ADGRG1: variants seen among roughly 807,000 people sequenced by gnomAD.
ADGRG1 encodes the protein adhesion G protein-coupled receptor G1.
In ADGRG1, 53 loss-of-function variants were observed where a neutral mutation model predicts 73.5. That is an observed-to-expected ratio of 0.72 (90% confidence interval 0.58 to 0.91). ADGRG1 has a LOEUF of 0.91. Among genes scored for constraint, ADGRG1 ranks in the 40% least tolerant of loss-of-function variants. ADGRG1 has a pLI of 0.00. For missense variants in ADGRG1, 795 were observed against 871.8 expected (o/e 0.91, Z 1.11); for synonymous variants, 394 against 374.4 (o/e 1.05, Z -0.60).
At chr16:57,641,905 AG>A (rs1238019528) in intron 1 of ADGRG1, 2 of 175,182 alleles carry the variant, frequency 1.1e-5, no homozygotes, top group African/African-American at 4.8e-5. Flanking sequence ...ATTTGTATTT[AG>A]AGACAAGGTC....
intron 3 of ADGRG1, chr16:57,652,825 T>G: frequency 4.6e-6 from 5 of 1,098,634 alleles, no homozygotes; most frequent in Admixed American, 4.8e-5. Flanking sequence ...GAGCCTGGAG[T>G]CAGGGAGGCT....
rs2043723048 is a variant in ADGRG1, at chr16:57,650,323, C to G, written c.36C>G (p.Phe12Leu). ...TPQSLLQTTL[F>L]LLSLLFLVQG... The stretch of plus-strand genomic sequence containing the variant: ...AGTCGCTGCTGCAGACGACACTGTT[C>G]CTGCTGAGTCTGCTCTTCCTGGTCC... The change falls in exon 2 of 14, where the codon TTC becomes TTG. Residue 12 changes from phenylalanine to leucine, a missense_variant. Physicochemically the swap from Phe to Leu is conservative, Grantham distance 22. Coordinates refer to ENST00000562631, the MANE Select transcript of ADGRG1 (RefSeq NM_201525.4). 2 of 1,612,846 alleles carry G rather than the reference C, an allele frequency of 1.2e-6. No individual in the cohort carries two copies. The highest frequency in any genetic ancestry group is 2.7e-5 in the African/African-American group (2 of 74,900).
At chr16:57,631,697 C>T (rs781380941) in intron 1 of ADGRG1, 49 of 943,456 alleles carry the variant, frequency 5.2e-5, no homozygotes, top group African/African-American at 5.6e-5. Flanking sequence ...GGGGGCGGGG[C>T]GGGCTGGCAC....
chr16:57,663,442 C>T lies in ADGRG1; in HGVS notation c.1934-10C>T. 1 of 1,613,870 alleles carries T rather than the reference C, an allele frequency of 6.2e-7. No homozygotes were observed. Among genetic ancestry groups the T allele is most frequent in the African/African-American group, 1.3e-5 (1 of 75,064 alleles). ...CCCACCTGCTGACCCCGTGCCCTCA[C>T]TGCCCGCAGGCTTCCTCATCTTCAT... On this transcript the variant is annotated splice_polypyrimidine_tract_variant and intron_variant, in intron 13 of 13. Transcript: ENST00000562631.
upstream of ADGRG1, among the ~76,000 whole-genome samples, chr16:57,624,448 C>T (rs541924034): frequency 6.6e-6 from 1 of 152,280 alleles, no homozygotes; most frequent in South Asian, 2.1e-4. Context: ...CTGTAGAGAG[C>T]TATGATTGCA....
upstream of ADGRG1, chr16:57,628,413 G>A: frequency 1.8e-6 from 1 of 569,838 alleles, no homozygotes; most frequent in South Asian, 7.7e-5. Flanking sequence ...GAGGGGTGAG[G>A]CTGAGGTGCC....
In ADGRG1 at chr16:57,646,359, C is replaced by T. The variant is rs1597383464; in HGVS notation, c.-35-3894C>T. ...CCCTGGGGGTGGGGCGGGGGATGGGCTGGTGGTGGGGTGGGGGTCTCAGCT... is the reference window on the plus strand; with the variant it reads ...CCCTGGGGGTGGGGCGGGGGATGGGTTGGTGGTGGGGTGGGGGTCTCAGCT... On this transcript the variant is annotated intron_variant, in intron 1 of 13. Coordinates refer to ENST00000562631, the MANE Select transcript of ADGRG1 (RefSeq NM_201525.4). The T allele has an allele frequency of 3.6e-6, 3 of 842,780 alleles. No homozygotes were observed. The East Asian group carries it at 4.3e-4, about 121-fold the overall frequency. 52.2% of individuals were successfully genotyped at this position (842,780 alleles called of 1,614,324 possible).
At chr16:57,632,012 C>T (rs2038083906) in intron 1 of ADGRG1, 1 of 985,366 alleles carries the variant, frequency 1.0e-6, no homozygotes, top group African/African-American at 1.7e-5. Flanking sequence ...TCCCTGATGG[C>T]TCAGCCTGGA....
At chr16:57,644,473 CACACACCCAT>C (rs1346063541) in intron 1 of ADGRG1, among the ~76,000 whole-genome samples, 6 of 150,476 alleles carry the variant, frequency 4.0e-5, no homozygotes, top group African/African-American at 7.3e-5. Context: ...TGCACGGGCA[CACACACCCAT>C]GCACACACAT....
upstream of ADGRG1, chr16:57,623,046 A>G: frequency 1.0e-6 from 1 of 985,418 alleles, no homozygotes; most frequent in Non-Finnish European, 1.2e-6. Context: ...GGGGCAAAGC[A>G]GGACTTAAAT....
chr16:57,656,176 G>A (rs779406818), intron 7 of ADGRG1, 50 bp from the exon 8 acceptor site: 1 of 1,613,920 alleles, frequency 6.2e-7, no homozygotes, highest in Non-Finnish European at 8.5e-7. Flanking sequence ...TGTAAAGTTG[G>A]AGGGGTGGGG....
intron 10 of ADGRG1, 31 bp from the exon 11 acceptor site, chr16:57,659,382 A>C: frequency 6.2e-7 from 1 of 1,613,002 alleles, no homozygotes; most frequent in Non-Finnish European, 8.5e-7. Context: ...ACCTTCCCAC[A>C]CTGGCCCACC....
chr16:57,652,955 A>G (rs1179621921), intron 3 of ADGRG1: 11 of 1,381,258 alleles, frequency 8.0e-6, no homozygotes, highest in Non-Finnish European at 1.0e-5. Flanking sequence ...GTGCTGAGCA[A>G]GGCACATCCC....
At chr16:57,645,175 C>T (rs1265830199) in intron 1 of ADGRG1, 1 of 985,474 alleles carries the variant, frequency 1.0e-6, no homozygotes, top group Non-Finnish European at 1.2e-6. Flanking sequence ...TGTCGTGCCC[C>T]AGCAGCCCAC....
intron 10 of ADGRG1, among the ~76,000 whole-genome samples, chr16:57,658,672 T>G (rs16958666): frequency 0.035 from 5,263 of 152,224 alleles, 248 homozygotes; most frequent in East Asian, 0.2. Context: ...AACACCCAGT[T>G]GCTCACAAAC....
Position 57,664,120 on chromosome 16 carries a change from T to C in ADGRG1, c.*538T>C, listed in dbSNP as rs1254659167. 1 of 161,268 alleles carries C rather than the reference T, an allele frequency of 6.2e-6. No individual in the cohort carries two copies. The highest frequency in any genetic ancestry group is 2.4e-5 in the African/African-American group (1 of 41,542). 10.0% of individuals were successfully genotyped at this position (161,268 alleles called of 1,614,324 possible). On this transcript the variant is annotated 3_prime_UTR_variant, in exon 14 of 14. Transcript: ENST00000562631. ...GAGCCCTGGCGGAGGAGAGGCCCTT[T>C]GCCAGGAGCACAGCAGCAGCTCGCC...
At chr16:57,657,767 G>A (rs981607516) in intron 10 of ADGRG1, among the ~76,000 whole-genome samples, 8 of 152,094 alleles carry the variant, frequency 5.3e-5, no homozygotes, top group Non-Finnish European at 8.8e-5. Context: ...TTGAGACAGA[G>A]CCTTGCCTCT....
At position 57,630,282 on chromosome 16, in the gene ADGRG1, G is replaced by T. The variant is rs141370085; in HGVS notation, c.-36+1480G>T. ...TTAATAACCATGGGCTGCCAAGTTG[G>T]CTCCCCAGAGCCCAGGCAGGGGTCC... On this transcript the variant is annotated intron_variant, in intron 1 of 13. Coordinates refer to ENST00000562631, the MANE Select transcript of ADGRG1 (RefSeq NM_201525.4). 111 of 795,890 alleles carry T rather than the reference G, an allele frequency of 1.4e-4. No individual in the cohort carries two copies. The Middle Eastern group carries it at 2.6e-3, about 18-fold the overall frequency. The allele number at this position is 795,890 out of a possible 1,614,324, so 49.3% of individuals were successfully genotyped here. A position where few individuals can be genotyped will look rare whatever the true frequency, so the allele number is the denominator to read the frequency against.
intron 1 of ADGRG1, chr16:57,640,287 T>C (rs1290593180): frequency 6.6e-6 from 1 of 152,198 alleles, no homozygotes; most frequent in East Asian, 1.9e-4. Flanking sequence ...AGGAGGGAAA[T>C]AGGCTTGCAG....
Sources: gnomAD v4.1 joint callset for allele counts (sites outside exome capture counted in the v4.1 genomes callset) on GRCh38, gnomAD v4.1.1 for gene constraint, MANE v1.5 for transcripts, NCBI Gene and HGNC (gene_info 2026-07-23, HGNC 2026-07-21) for gene names.